The following ZNF385D variants were observed in gnomAD, a reference collection of about 807,000 sequenced individuals.
The protein encoded by ZNF385D is zinc finger protein 385D.
A neutral mutation model predicts 35.8 loss-of-function variants in ZNF385D; 15 were observed. The ratio of observed to expected loss-of-function variants is 0.42; its 90% CI spans 0.28 to 0.64. The LOEUF is 0.64. Ranked by LOEUF, ZNF385D falls within the 30% of genes least tolerant of loss-of-function variation. The pLI is 0.23. For missense variants in ZNF385D, 474 were observed against 494.6 expected (o/e 0.96, Z 0.39); for synonymous variants, 212 against 186.8 (o/e 1.13, Z -1.10).
chr3:21,714,538 C>T (rs2068237467), intron 1 of ZNF385D, among the ~76,000 whole-genome samples: 2 of 152,200 alleles, frequency 1.3e-5, no homozygotes, highest in African/African-American at 4.8e-5. Flanking sequence ...CCAATCTCTC[C>T]TCTTGATTCC....
intron 1 of ZNF385D, among the ~76,000 whole-genome samples, chr3:21,693,790 T>A (rs867554698): frequency 6.6e-6 from 1 of 152,082 alleles, no homozygotes; most frequent in South Asian, 2.1e-4. Context: ...TAAAAAATGA[T>A]GTATCATTTA....
At chr3:21,658,494 A>G (rs76578144) in intron 2 of ZNF385D, among the ~76,000 whole-genome samples, 2,001 of 152,074 alleles carry the variant, frequency 0.013, 119 homozygotes, top group Admixed American at 0.1. Flanking sequence ...TACACTTCTT[A>G]TGGTACAAAT....
chr3:21,783,231 G>T (rs1420357105), intron 3 of ZNF385D, among the ~76,000 whole-genome samples: 1 of 152,084 alleles, frequency 6.6e-6, no homozygotes, highest in African/African-American at 2.4e-5. Context: ...GCCTGGATAG[G>T]TAATGAATAA....
intron 1 of ZNF385D, among the ~76,000 whole-genome samples, chr3:21,721,162 T>C (rs928798094): frequency 3.9e-5 from 6 of 152,136 alleles, no homozygotes; most frequent in South Asian, 2.1e-4. Context: ...GCCCCCTCCA[T>C]TGCTATACTG....
At chr3:22,332,580 G>C (rs952339535) in intron 2 of ZNF385D, among the ~76,000 whole-genome samples, 1 of 151,880 alleles carries the variant, frequency 6.6e-6, no homozygotes, top group Non-Finnish European at 1.5e-5. Flanking sequence ...AGAATGGATA[G>C]CAAGGAAACA....
At chr3:21,848,265 T>C (rs1222687547) in intron 3 of ZNF385D, among the ~76,000 whole-genome samples, 1 of 152,022 alleles carries the variant, frequency 6.6e-6, no homozygotes, top group Non-Finnish European at 1.5e-5. Flanking sequence ...AAAACTTAGG[T>C]TGTTTCCACA....
At chr3:22,268,921 C>T (rs1701033437) in intron 2 of ZNF385D, among the ~76,000 whole-genome samples, 1 of 151,848 alleles carries the variant, frequency 6.6e-6, no homozygotes, top group African/African-American at 2.4e-5. Context: ...AAGATATAAT[C>T]AGCTAATGCA....
intron 2 of ZNF385D, among the ~76,000 whole-genome samples, chr3:22,200,748 G>A (rs555706186): frequency 1.4e-4 from 21 of 152,108 alleles, no homozygotes; most frequent in African/African-American, 3.1e-4. Context: ...CGGGGGGACC[G>A]TCTATAGACC....
At chr3:21,873,658 G>C (rs1697811305) in intron 3 of ZNF385D, among the ~76,000 whole-genome samples, 1 of 151,942 alleles carries the variant, frequency 6.6e-6, no homozygotes, top group Non-Finnish European at 1.5e-5. Flanking sequence ...CTTAGGACCT[G>C]GAAACTGCCA....
chr3:21,484,573 G>A (rs570884070), intron 4 of ZNF385D, among the ~76,000 whole-genome samples: 2 of 152,158 alleles, frequency 1.3e-5, no homozygotes, highest in Non-Finnish European at 2.9e-5. Flanking sequence ...TAGATCCATT[G>A]TCACAAGATG....
intron 2 of ZNF385D, among the ~76,000 whole-genome samples, chr3:21,657,785 G>C (rs538290466): frequency 4.6e-5 from 7 of 151,934 alleles, no homozygotes; most frequent in Non-Finnish European, 1.0e-4. Context: ...AGTTATTAAT[G>C]TGTAAACTGA....
chr3:22,279,531 TAC>T, intron 2 of ZNF385D, among the ~76,000 whole-genome samples: 1 of 143,942 alleles, frequency 6.9e-6, no homozygotes, highest in African/African-American at 2.6e-5. Context: ...TATACATATG[TAC>T]ATATATATGT....
intron 2 of ZNF385D, among the ~76,000 whole-genome samples, chr3:22,267,036 T>C (rs1227663936): frequency 6.6e-6 from 1 of 151,944 alleles, no homozygotes; most frequent in Non-Finnish European, 1.5e-5. Flanking sequence ...CAAAAGTAGA[T>C]TAGGCAATTC....
chr3:21,665,041 G>C lies in ZNF385D; in HGVS notation c.23-13C>G. On this transcript the variant is annotated splice_polypyrimidine_tract_variant and intron_variant, in intron 1 of 7. Coordinates refer to ENST00000281523, the MANE Select transcript of ZNF385D (RefSeq NM_024697.3). ...TGGCATGTACCACCTGTGAAGACCA[G>C]AGCAAAGGGAGCAATCAGGGACACC... 6.3e-7 allele frequency: 1 copy of C among 1,578,844 alleles called. No individual in the cohort carries two copies. The highest frequency in any genetic ancestry group is 8.6e-7 in the Non-Finnish European group (1 of 1,163,590).
intron 2 of ZNF385D, among the ~76,000 whole-genome samples, chr3:21,606,240 T>C (rs1259092191): frequency 6.6e-6 from 1 of 152,186 alleles, no homozygotes; most frequent in African/African-American, 2.4e-5. Flanking sequence ...CCAGCAACAG[T>C]ACCTCTCACC....
intron 3 of ZNF385D, among the ~76,000 whole-genome samples, chr3:21,914,259 A>T (rs1700092112): frequency 6.6e-6 from 1 of 152,064 alleles, no homozygotes; most frequent in Non-Finnish European, 1.5e-5. Context: ...GAAGGGGGTG[A>T]GTTAACACTT....
chr3:21,786,022 CTT>C (rs71901814), intron 3 of ZNF385D, among the ~76,000 whole-genome samples: 2 of 148,620 alleles, frequency 1.3e-5, no homozygotes. Context: ...TTACTTTACC[CTT>C]TTTTTTTTTA....
At chr3:22,314,352 T>C (rs932168645) in intron 2 of ZNF385D, among the ~76,000 whole-genome samples, 1 of 152,140 alleles carries the variant, frequency 6.6e-6, no homozygotes, top group African/African-American at 2.4e-5. Flanking sequence ...AGCTCCCACT[T>C]ATGAGTGAGA....
intron 1 of ZNF385D, among the ~76,000 whole-genome samples, chr3:21,730,229 G>A (rs1455841036): frequency 6.6e-6 from 1 of 152,098 alleles, no homozygotes; most frequent in African/African-American, 2.4e-5. Flanking sequence ...CTATACCAGC[G>A]ATGACTCTGA....
Sources: allele counts gnomAD v4.1 joint callset (sites outside exome capture counted in the v4.1 genomes callset), GRCh38; gene constraint gnomAD v4.1.1; transcripts MANE v1.5; gene names NCBI Gene and HGNC (gene_info 2026-07-23, HGNC 2026-07-21).